Variants in B4GALNT2 observed in about 807,000 individuals in gnomAD.
B4GALNT2 encodes N-acetylneuraminylgalactosylglucosyl-glucoside beta-1,4-N- acetylgalactosaminyltransferase 2.
B4GALNT2 carries 42 observed loss-of-function variants against 51.1 expected under a neutral mutation model. The observed-to-expected ratio is 0.82, with a 90% CI of 0.64 to 1.06. The LOEUF is 1.06. Ranked by LOEUF, B4GALNT2 falls within the 50% of genes least tolerant of loss-of-function variation. The pLI is 0.00. For missense variants in B4GALNT2, 602 were observed against 633.6 expected (o/e 0.95, Z 0.54); for synonymous variants, 253 against 251.7 (o/e 1.01, Z -0.05).
At chr17:49,133,934 CAAACA>C (rs1310456667) in intron 1 of B4GALNT2, among the ~76,000 whole-genome samples, 3 of 141,846 alleles carry the variant, frequency 2.1e-5, no homozygotes, top group Admixed American at 6.8e-5. Flanking sequence ...ACAAACAAAA[CAAACA>C]AACAAACAAA....
chr17:49,169,428 G>T, intron 10 of B4GALNT2, 95 bp from the exon 11 acceptor site: 1 of 1,202,796 alleles, frequency 8.3e-7, no homozygotes, highest in Non-Finnish European at 1.2e-6. Context: ...TATGAACTGT[G>T]TCCTCTCCCT....
At chr17:49,126,905 T>C in the B4GALNT2 span, among the ~76,000 whole-genome samples, 1 of 152,220 alleles carries the variant, frequency 6.6e-6, no homozygotes, top group Admixed American at 6.5e-5. Context: ...AGTTTCACCA[T>C]ATTAGTCAGG....
chr17:49,163,705 G>A (rs1217547413), intron 7 of B4GALNT2, among the ~76,000 whole-genome samples: 1 of 137,402 alleles, frequency 7.3e-6, no homozygotes, highest in Non-Finnish European at 1.5e-5. Context: ...GCAGTGAGCC[G>A]ACATTGCACC....
chr17:49,166,486 A>G (rs2042912900), intron 9 of B4GALNT2, among the ~76,000 whole-genome samples: 2 of 152,084 alleles, frequency 1.3e-5, no homozygotes, highest in South Asian at 4.1e-4. Flanking sequence ...CTCCTCCCTC[A>G]TTTGCAATTG....
chr17:49,168,958 T>C, intron 10 of B4GALNT2, 58 bp downstream of exon 10: 1 of 1,535,658 alleles, frequency 6.5e-7, no homozygotes. Flanking sequence ...TGCAGAAGTT[T>C]GTTCTTTCCA....
intron 4 of B4GALNT2, among the ~76,000 whole-genome samples, chr17:49,153,600 G>A (rs573102637): frequency 1.3e-4 from 19 of 151,652 alleles, no homozygotes; most frequent in Admixed American, 3.9e-4. Context: ...TCCACCTCCC[G>A]GGTTCAAATG....
chr17:49,141,597 G>A (rs6504599), intron 2 of B4GALNT2, 150 bp downstream of exon 2: 105,659 of 836,954 alleles, frequency 0.13, 9,587 homozygotes, highest in African/African-American at 0.36. Flanking sequence ...AAGCCAGGAT[G>A]GGGCTTGGTC....
the B4GALNT2 span, among the ~76,000 whole-genome samples, chr17:49,125,700 GGT>G: frequency 9.4e-5 from 9 of 96,004 alleles, 1 homozygote; most frequent in Non-Finnish European, 1.7e-4. Flanking sequence ...CTGGGAGGGA[GGT>G]GGGGGTCGGC....
upstream of B4GALNT2, chr17:49,132,471 G>T (rs1347803644): frequency 9.0e-6 from 3 of 332,936 alleles, no homozygotes; most frequent in Non-Finnish European, 1.1e-5. Flanking sequence ...AGGCCGCGAG[G>T]TTGGAGGGCA....
chr17:49,141,498 C>T (rs780313216), intron 2 of B4GALNT2, 51 bp downstream of exon 2: 8 of 1,565,864 alleles, frequency 5.1e-6, no homozygotes, highest in East Asian at 2.2e-5. Flanking sequence ...ATCTTCCTTG[C>T]TCCTCCTCAA....
At position 49,164,283 on chromosome 17, in the gene B4GALNT2, C is replaced by T. The variant is rs1425398376; in HGVS notation, c.954+8C>T. 1.2e-6 allele frequency: 2 copies of T among 1,605,928 alleles called. No individual in the cohort carries two copies. The highest frequency in any genetic ancestry group is 1.7e-5 in the Admixed American group (1 of 59,966). ...ACTATGCCCTTTGGGAAGGTATGTC[C>T]CTCTCAGATTGGGTGGCACCTGCAT... On this transcript the variant is annotated splice_region_variant and intron_variant, in intron 8 of 10. Transcript: ENST00000393354.
intron 7 of B4GALNT2, 147 bp downstream of exon 7, chr17:49,160,788 A>G (rs900395295): frequency 4.2e-6 from 3 of 721,144 alleles, no homozygotes; most frequent in East Asian, 2.6e-5. Context: ...GGAGGAAAAA[A>G]ACTCTAAGAC....
At chr17:49,129,606 G>A (rs1266925173), upstream of B4GALNT2, among the ~76,000 whole-genome samples, 1 of 125,824 alleles carries the variant, frequency 7.9e-6, no homozygotes, top group Non-Finnish European at 1.7e-5. Context: ...ACCTGAGAGG[G>A]GCTTCTGGCC....
chr17:49,133,623 A>G (rs571214825), intron 1 of B4GALNT2, among the ~76,000 whole-genome samples: 45 of 152,270 alleles, frequency 3.0e-4, no homozygotes, highest in African/African-American at 9.1e-4. Context: ...ATGAAAAAGA[A>G]CACGTTTGGC....
chr17:49,142,113 G>A lies in B4GALNT2; in HGVS notation c.294G>A (p.Gln98=). ...GGYNFQDAYG[Q]SDLPAVKARR... The stretch of plus-strand genomic sequence containing the variant: ...ACAACTTTCAGGATGCCTATGGCCA[G>A]AGCGACCTCCCAGCGGTGAAAGCGA... Residue 98 remains glutamine (Q), a synonymous_variant, in exon 3 of 11, where the codon CAG becomes CAA. Transcript: ENST00000393354. 2 of 1,614,124 alleles carry A rather than the reference G, an allele frequency of 1.2e-6. No homozygotes were observed. Among genetic ancestry groups the A allele is most frequent in the South Asian group, 1.1e-5 (1 of 91,074 alleles).
the B4GALNT2 span, among the ~76,000 whole-genome samples, chr17:49,126,642 C>T: frequency 1.2e-4 from 4 of 34,444 alleles, no homozygotes; most frequent in Non-Finnish European, 2.3e-4. Context: ...CTTTTTTTTT[C>T]TTTCTTTCTT....
rs1418911287 is a variant in B4GALNT2 at position 49,176,210 on chromosome 17, C to T, written c.*6482C>T. ...CCACGTTGGGCGCCACTTGCCGACA[C>T]CAGCTCGGTCTTGGAGACCCTAACC... On this transcript the variant is annotated 3_prime_UTR_variant, in exon 11 of 11. Coordinates refer to ENST00000393354, the MANE Select transcript of B4GALNT2 (RefSeq NM_001159387.2). 1 of 152,224 alleles carries T rather than the reference C, an allele frequency of 6.6e-6. No individual in the cohort carries two copies. The highest frequency in any genetic ancestry group is 1.5e-5 in the Non-Finnish European group (1 of 68,064). 9.4% of individuals were successfully genotyped at this position (152,224 alleles called of 1,614,324 possible). A position where few individuals can be genotyped will look rare whatever the true frequency, so the allele number is the denominator to read the frequency against.
Position 49,173,725 on chromosome 17 carries a change from GTTAGAGTCCGTGAA to G in B4GALNT2, c.*4002_*4015del, listed in dbSNP as rs1008023396. ...AGTAGCGATTTGATCCAAATAAGGA[GTTAGAGTCCGTGAA>G]TTAGTATGTGGAAGAAAAAGCCGCT... On this transcript the variant is annotated 3_prime_UTR_variant, in exon 11 of 11. Coordinates refer to ENST00000393354, the MANE Select transcript of B4GALNT2 (RefSeq NM_001159387.2). 2 of 152,098 alleles carry G rather than the reference GTTAGAGTCCGTGAA, an allele frequency of 1.3e-5. No homozygotes were observed. Among genetic ancestry groups the G allele is most frequent in the Non-Finnish European group, 2.9e-5 (2 of 68,030 alleles). 9.4% of individuals were successfully genotyped at this position (152,098 alleles called of 1,614,324 possible).
chr17:49,164,049 T>G, intron 7 of B4GALNT2, 39 bp from the exon 8 acceptor site: 1 of 1,586,462 alleles, frequency 6.3e-7, no homozygotes, highest in Non-Finnish European at 8.6e-7. Context: ...TGAAGCTTCC[T>G]ACAGGACAGA....
Sources: allele counts gnomAD v4.1 joint callset (sites outside exome capture counted in the v4.1 genomes callset), GRCh38; gene constraint gnomAD v4.1.1; transcripts MANE v1.5; gene names NCBI Gene and HGNC (gene_info 2026-07-23, HGNC 2026-07-21).